The following CEMIP variants were observed in gnomAD, a reference collection of about 807,000 sequenced individuals.
CEMIP encodes cell migration inducing hyaluronidase 1.
A neutral mutation model predicts 156.9 loss-of-function variants in CEMIP; 105 were observed. That is an observed-to-expected ratio of 0.67 (90% CI 0.57 to 0.79). The LOEUF (loss-of-function observed/expected upper bound fraction) is 0.79. Among genes scored for constraint, CEMIP ranks in the 30% least tolerant of loss-of-function variants. The pLI is 0.00. For synonymous variants in CEMIP, 676 were observed against 668.4 expected (o/e 1.01, Z -0.17); for missense variants, 1,457 against 1,769.4 (o/e 0.82, Z 3.17).
At chr15:80,913,350 C>A (rs1196196975) in intron 14 of CEMIP, among the ~76,000 whole-genome samples, 1 of 152,228 alleles carries the variant, frequency 6.6e-6, no homozygotes, top group Non-Finnish European at 1.5e-5. Context: ...TGGTTCTCAA[C>A]AATGTCATTC....
At chr15:80,920,967 C>A in intron 15 of CEMIP, 65 bp from the exon 16 acceptor site, 1 of 1,368,664 alleles carries the variant, frequency 7.3e-7, no homozygotes, top group Non-Finnish European at 1.0e-6. Context: ...CCTGCACCTG[C>A]CATGTGGCAG....
At chr15:80,899,417 A>G (rs1470893790) in intron 12 of CEMIP, among the ~76,000 whole-genome samples, 2 of 152,174 alleles carry the variant, frequency 1.3e-5, no homozygotes, top group Non-Finnish European at 2.9e-5. Context: ...GACAACTGCT[A>G]TCAAAGTGGA....
intron 1 of CEMIP, among the ~76,000 whole-genome samples, chr15:80,785,512 G>A (rs1292576372): frequency 6.6e-6 from 1 of 152,204 alleles, no homozygotes; most frequent in African/African-American, 2.4e-5. Flanking sequence ...CCCTGAATGA[G>A]TCACTGAGAA....
At chr15:80,890,318 C>T (rs1366800264) in intron 10 of CEMIP, among the ~76,000 whole-genome samples, 1 of 152,008 alleles carries the variant, frequency 6.6e-6, no homozygotes, top group African/African-American at 2.4e-5. Flanking sequence ...GTGGATCATG[C>T]CTGTAATCCC....
rs894157245 is a variant in CEMIP, at chr15:80,922,448, C to A, written c.2202+311C>A. Among the ~76,000 whole-genome samples the A allele has an allele frequency of 1.3e-5, 2 of 152,216 alleles. 1 individual carries two copies. Among genetic ancestry groups the A allele is most frequent in the Non-Finnish European group, 2.9e-5 (2 of 68,034 alleles). On this transcript the variant is annotated intron_variant, in intron 17 of 29. Coordinates refer to ENST00000394685, the MANE Select transcript of CEMIP (RefSeq NM_001293298.2). The stretch of plus-strand genomic sequence containing the variant: ...CTCTTGGTGGCCCCTGAGCTGGGCA[C>A]CTGAATTTGGTTTGCAATTCACTTG...
At chr15:80,830,748 C>A (rs1897139897) in intron 1 of CEMIP, among the ~76,000 whole-genome samples, 2 of 151,876 alleles carry the variant, frequency 1.3e-5, no homozygotes. Context: ...CTAATCATGA[C>A]CCCATGGGCT....
In CEMIP at chr15:80,873,678, G is replaced by A; in HGVS notation, c.-35G>A. On this transcript the variant is annotated 5_prime_UTR_variant, in exon 2 of 30. Transcript: ENST00000394685. ...CCGATCTGCCTGGCCTTGAGTTGTGGCAGCTGGGGAAGCCACTGGTGAGGA... is the reference window on the plus strand; with the variant it reads ...CCGATCTGCCTGGCCTTGAGTTGTGACAGCTGGGGAAGCCACTGGTGAGGA... The A allele has an allele frequency of 1.7e-6, 1 of 587,028 alleles. No individual in the cohort carries two copies. 36.4% of individuals were successfully genotyped at this position (587,028 alleles called of 1,614,324 possible). A position where few individuals can be genotyped will look rare whatever the true frequency, so the allele number is the denominator to read the frequency against.
At chr15:80,833,413 T>G (rs933204720) in intron 1 of CEMIP, among the ~76,000 whole-genome samples, 2 of 152,150 alleles carry the variant, frequency 1.3e-5, no homozygotes, top group Non-Finnish European at 2.9e-5. Flanking sequence ...CTCCTTCAAT[T>G]TACAAGGAAT....
intron 15 of CEMIP, among the ~76,000 whole-genome samples, chr15:80,920,672 G>A (rs1388040977): frequency 2.0e-5 from 3 of 152,294 alleles, no homozygotes; most frequent in Admixed American, 6.5e-5. Flanking sequence ...ACAGAGGGAC[G>A]GGGTGAGAGC....
chr15:80,800,627 A>T (rs1896352100), intron 1 of CEMIP, among the ~76,000 whole-genome samples: 1 of 152,200 alleles, frequency 6.6e-6, no homozygotes, highest in Non-Finnish European at 1.5e-5. Context: ...TGTCATGATC[A>T]TGCTCTTAGG....
At chr15:80,927,036 G>A (rs1414817401) in intron 19 of CEMIP, among the ~76,000 whole-genome samples, 3 of 152,152 alleles carry the variant, frequency 2.0e-5, no homozygotes, top group Non-Finnish European at 4.4e-5. Flanking sequence ...TCACCACATT[G>A]GCCAGGCTGG....
Position 80,928,886 on chromosome 15 carries a change from C to G in CEMIP, c.2421-16C>G. 1 of 1,613,620 alleles carries G rather than the reference C, an allele frequency of 6.2e-7. No individual in the cohort carries two copies. The highest frequency in any genetic ancestry group is 8.5e-7 in the Non-Finnish European group (1 of 1,180,044). On this transcript the variant is annotated splice_polypyrimidine_tract_variant and intron_variant, in intron 19 of 29. Coordinates refer to ENST00000394685, the MANE Select transcript of CEMIP (RefSeq NM_001293298.2). ...GCCAGGGCATGCTCTGACTATCTATCTGCTCTTGCCCACAGGTTTGCTGAC... is the reference window on the plus strand; with the variant it reads ...GCCAGGGCATGCTCTGACTATCTATGTGCTCTTGCCCACAGGTTTGCTGAC...
At chr15:80,830,082 G>A (rs1897127698) in intron 1 of CEMIP, among the ~76,000 whole-genome samples, 1 of 150,804 alleles carries the variant, frequency 6.6e-6, no homozygotes, top group South Asian at 2.1e-4. Context: ...TATGTTATAA[G>A]GGGATCTGGG....
chr15:80,849,365 G>A (rs1596132554), intron 1 of CEMIP, among the ~76,000 whole-genome samples: 1 of 152,186 alleles, frequency 6.6e-6, no homozygotes, highest in South Asian at 2.1e-4. Flanking sequence ...GCCTCTACAC[G>A]GGCCACCTGA....
chr15:80,856,759 C>T (rs1002104595), intron 1 of CEMIP, among the ~76,000 whole-genome samples: 2 of 152,148 alleles, frequency 1.3e-5, no homozygotes, highest in Non-Finnish European at 2.9e-5. Context: ...CCAAGGTCTC[C>T]CAGGACTAGA....
chr15:80,939,003 A>G (rs1901241587), intron 25 of CEMIP, among the ~76,000 whole-genome samples: 1 of 152,232 alleles, frequency 6.6e-6, no homozygotes, highest in Non-Finnish European at 1.5e-5. Flanking sequence ...AAAATTTAGA[A>G]TCAAAAGTAT....
At position 80,919,968 on chromosome 15, in the gene CEMIP, G is replaced by T. The variant is rs1004327208; in HGVS notation, c.1798-126G>T. On this transcript the variant is annotated intron_variant, in intron 14 of 29. Coordinates refer to ENST00000394685, the MANE Select transcript of CEMIP (RefSeq NM_001293298.2). ...TTGTTGAATGAATGAATGAGCACATGAGACTATTTAGTGTTTGCTGAATGA... is the reference window on the plus strand; with the variant it reads ...TTGTTGAATGAATGAATGAGCACATTAGACTATTTAGTGTTTGCTGAATGA... 17 of 885,094 alleles carry T rather than the reference G, an allele frequency of 1.9e-5. No individual in the cohort carries two copies. In the Admixed American group the frequency reaches 3.0e-4, roughly 16 times the overall value. 54.8% of individuals were successfully genotyped at this position (885,094 alleles called of 1,614,324 possible).
At position 80,942,002 on chromosome 15, in the gene CEMIP, G is replaced by A; in HGVS notation, c.3561G>A (p.Glu1187=). The change falls in exon 26 of 30, where the codon GAG becomes GAA. Residue 1187 remains glutamate, a synonymous_variant. Transcript: ENST00000394685. ...CCACAGCTTACCCCAAGTTCACCGAGAGGGCTGTCGTAGACGTGCCGATGC... is the reference window on the plus strand; with the variant it reads ...CCACAGCTTACCCCAAGTTCACCGAAAGGGCTGTCGTAGACGTGCCGATGC... ...CTATAYPKFT[E]RAVVDVPMPK... is the part of the protein sequence containing the mutation. 1 of 1,614,010 alleles carries A rather than the reference G, an allele frequency of 6.2e-7. No individual in the cohort carries two copies. Among genetic ancestry groups the A allele is most frequent in the Non-Finnish European group, 8.5e-7 (1 of 1,180,024 alleles).
At chr15:80,895,559 G>C (rs1009521972) in intron 11 of CEMIP, among the ~76,000 whole-genome samples, 1 of 152,206 alleles carries the variant, frequency 6.6e-6, no homozygotes, top group East Asian at 1.9e-4. Flanking sequence ...GAAAATAATA[G>C]TTGAGAGGAA....
Sources: gnomAD v4.1 joint callset for allele counts (sites outside exome capture counted in the v4.1 genomes callset) on GRCh38, gnomAD v4.1.1 for gene constraint, MANE v1.5 for transcripts, NCBI Gene and HGNC (gene_info 2026-07-23, HGNC 2026-07-21) for gene names.